Variants in VRTN observed in about 807,000 individuals in gnomAD.
VRTN encodes vertnin.
A neutral mutation model predicts 18.2 loss-of-function variants in VRTN; 5 were observed. That is an observed-to-expected ratio of 0.27 (90% CI 0.14 to 0.58). VRTN has a LOEUF of 0.58. VRTN is among the 20% of genes least tolerant of loss of function. VRTN has a pLI of 0.91. For missense variants in VRTN, 741 were observed against 939.4 expected (o/e 0.79, Z 2.76); for synonymous variants, 381 against 393.7 (o/e 0.97, Z 0.38).
chr14:74,340,803 T>C (rs901322320), intron 2 of VRTN, among the ~76,000 whole-genome samples: 2 of 152,210 alleles, frequency 1.3e-5, no homozygotes, highest in East Asian at 3.8e-4. Context: ...CAGGCTGGAG[T>C]GCAGTGACGC....
At chr14:74,308,139 G>A (rs1263890872) in intron 1 of VRTN, among the ~76,000 whole-genome samples, 1 of 151,700 alleles carries the variant, frequency 6.6e-6, no homozygotes, top group Admixed American at 6.6e-5. Context: ...ATCCACTTGG[G>A]CACAGTGGCT....
chr14:74,319,054 G>A (rs1418674359), intron 1 of VRTN, among the ~76,000 whole-genome samples: 3 of 151,132 alleles, frequency 2.0e-5, no homozygotes, highest in African/African-American at 7.3e-5. Context: ...TTGAGATGGG[G>A]TCTCACTCTG....
intron 1 of VRTN, chr14:74,305,860 T>G (rs897652783): frequency 6.6e-6 from 1 of 152,056 alleles, no homozygotes; most frequent in Non-Finnish European, 1.5e-5. Flanking sequence ...GGTCTTGAAC[T>G]CCTGACCTCA....
rs2085419013 is a variant in VRTN, at chr14:74,316,223, A to G, written c.-164+13047A>G. 2.0e-5 allele frequency among the ~76,000 whole-genome samples: 3 copies of G among 152,206 alleles called. No homozygotes were observed. In the South Asian group the frequency reaches 6.2e-4, roughly 32 times the overall value. On this transcript the variant is annotated intron_variant, in intron 1 of 2. Coordinates refer to the VRTN transcript ENST00000557177. Reference sequence around the variant, plus strand: ...GAAGGACTCTCCGAGGAGGTTTTAAAGAACCTAAATGAGGCTGGGTGTGGT... The same window carrying G: ...GAAGGACTCTCCGAGGAGGTTTTAAGGAACCTAAATGAGGCTGGGTGTGGT...
chr14:74,351,372 G>C (rs189244375), intron 1 of VRTN, among the ~76,000 whole-genome samples: 1 of 151,888 alleles, frequency 6.6e-6, no homozygotes, highest in African/African-American at 2.4e-5. Flanking sequence ...CCAACTTCTA[G>C]AGTTAAATGA....
intron 1 of VRTN, among the ~76,000 whole-genome samples, chr14:74,332,335 G>GTTTTTTTTTTTTTTTTTTTTTT (rs67857502): frequency 2.5e-5 from 1 of 39,540 alleles, no homozygotes; most frequent in African/African-American, 8.1e-5. Flanking sequence ...CTCCTAATCT[G>GTTTTTTTTTTTTTTTTTTTTTT]TTTTTTTTTT....
intron 1 of VRTN, among the ~76,000 whole-genome samples, chr14:74,308,479 G>GT (rs1183206047): frequency 1.2e-4 from 18 of 151,974 alleles, no homozygotes; most frequent in African/African-American, 4.1e-4. Flanking sequence ...CTGAACAAAT[G>GT]TAAACCAGAT....
intron 1 of VRTN, among the ~76,000 whole-genome samples, chr14:74,308,003 C>G (rs1302641271): frequency 6.6e-6 from 1 of 152,202 alleles, no homozygotes; most frequent in Non-Finnish European, 1.5e-5. Flanking sequence ...GCTGGGATTA[C>G]AGGTGTAAGC....
rs556360758 is a variant in VRTN at position 74,336,162 on chromosome 14, C to G, written c.-163-1561C>G. On this transcript the variant is annotated intron_variant, in intron 1 of 2. Transcript: ENST00000557177. Reference sequence around the variant, plus strand: ...GGTGGCTCACGCCTGTAATCCAGCACTTTGGGAGGCTGAGGCAGGCAGATC... The same window carrying G: ...GGTGGCTCACGCCTGTAATCCAGCAGTTTGGGAGGCTGAGGCAGGCAGATC... Among the ~76,000 whole-genome samples, 7 of 151,858 alleles carry G rather than the reference C, an allele frequency of 4.6e-5. No individual in the cohort carries two copies. In the East Asian group the frequency reaches 1.4e-3, roughly 30 times the overall value.
At chr14:74,334,000 A>G (rs2085546929) in intron 1 of VRTN, among the ~76,000 whole-genome samples, 1 of 152,150 alleles carries the variant, frequency 6.6e-6, no homozygotes, top group African/African-American at 2.4e-5. Context: ...TACAATCACC[A>G]TTTCACAGAT....
Position 74,359,924 on chromosome 14 carries a change from G to C in VRTN, c.*1032G>C, listed in dbSNP as rs954201271. 6.0e-6 allele frequency: 1 copy of C among 167,090 alleles called. No individual in the cohort carries two copies. Among genetic ancestry groups the C allele is most frequent in the Non-Finnish European group, 1.5e-5 (1 of 68,138 alleles). The allele number at this position is 167,090 out of a possible 1,614,324, so 10.4% of individuals were successfully genotyped here. On this transcript the variant is annotated 3_prime_UTR_variant, in exon 2 of 2. Coordinates refer to ENST00000256362, the MANE Select transcript of VRTN (RefSeq NM_018228.3). ...CCCATCTTCAGTGAGAGATCACAAA[G>C]CGGCCAGGCAGGTGGGAGACTGAAT...
chr14:74,345,346 A>AT (rs34124259), upstream of VRTN, among the ~76,000 whole-genome samples: 3,747 of 94,614 alleles, frequency 0.04, 142 homozygotes, highest in Non-Finnish European at 0.044. Flanking sequence ...CACCCTGCCT[A>AT]TTTTTTTTTT....
At chr14:74,341,800 T>A (rs1276249206) in intron 2 of VRTN, among the ~76,000 whole-genome samples, 2 of 152,216 alleles carry the variant, frequency 1.3e-5, no homozygotes, top group African/African-American at 2.4e-5. Context: ...ATTACAGGCG[T>A]GAGCCACCAC....
At chr14:74,350,621 T>C (rs1003663261) in intron 1 of VRTN, among the ~76,000 whole-genome samples, 13 of 152,186 alleles carry the variant, frequency 8.5e-5, no homozygotes, top group African/African-American at 2.9e-4. Flanking sequence ...GGAATTATAG[T>C]GCTTAGAAAG....
intron 1 of VRTN, among the ~76,000 whole-genome samples, chr14:74,351,887 A>G (rs2085687321): frequency 6.6e-6 from 1 of 151,730 alleles, no homozygotes; most frequent in Admixed American, 6.6e-5. Flanking sequence ...CTCTGTTTCC[A>G]GGCTAGAGTA....
At chr14:74,337,282 G>T (rs188080282) in intron 1 of VRTN, among the ~76,000 whole-genome samples, 5 of 152,260 alleles carry the variant, frequency 3.3e-5, no homozygotes, top group Admixed American at 6.5e-5. Context: ...GGCGGAGGTT[G>T]CAGTGAGCCG....
intron 1 of VRTN, among the ~76,000 whole-genome samples, chr14:74,317,186 A>T (rs117160812): frequency 6.6e-6 from 1 of 152,256 alleles, no homozygotes; most frequent in Non-Finnish European, 1.5e-5. Flanking sequence ...GCTAGAATGG[A>T]GTTAGGGAAA....
chr14:74,341,976 A>G (rs2085607968), intron 2 of VRTN, among the ~76,000 whole-genome samples: 1 of 138,108 alleles, frequency 7.2e-6, no homozygotes, highest in Non-Finnish European at 1.6e-5. Context: ...GAACACCTTA[A>G]TAACCAGGCC....
intron 1 of VRTN, among the ~76,000 whole-genome samples, chr14:74,330,171 G>A (rs1040803601): frequency 6.6e-6 from 1 of 151,732 alleles, no homozygotes; most frequent in Non-Finnish European, 1.5e-5. Flanking sequence ...CACTGTGCCG[G>A]GCCTGGAAAG....
Sources: gnomAD v4.1 joint callset for allele counts (sites outside exome capture counted in the v4.1 genomes callset) on GRCh38, gnomAD v4.1.1 for gene constraint, MANE v1.5 for transcripts, NCBI Gene and HGNC (gene_info 2026-07-23, HGNC 2026-07-21) for gene names.